Variants in MINDY3 observed in about 807,000 individuals in gnomAD.
The protein encoded by MINDY3 is MINDY lysine 48 deubiquitinase 3.
In MINDY3, 38 loss-of-function variants were observed where a neutral mutation model predicts 69.2. The ratio of observed to expected loss-of-function variants is 0.55; its 90% CI spans 0.42 to 0.72. MINDY3 has a LOEUF of 0.72. MINDY3 is among the 30% of genes least tolerant of loss of function. MINDY3 has a pLI of 0.00. For missense variants in MINDY3, 522 were observed against 519.0 expected (o/e 1.01, Z -0.06); for synonymous variants, 192 against 180.1 (o/e 1.07, Z -0.53).
chr10:15,779,184 A>C (rs1205166731), intron 14 of MINDY3, 43 bp from the exon 15 acceptor site: 2 of 1,571,664 alleles, frequency 1.3e-6, no homozygotes, highest in Non-Finnish European at 1.7e-6. Flanking sequence ...CAACAGTCTT[A>C]GCAAATTCTT....
intron 11 of MINDY3, among the ~76,000 whole-genome samples, chr10:15,794,275 C>T (rs1837642133): frequency 6.6e-6 from 1 of 151,968 alleles, no homozygotes; most frequent in South Asian, 2.1e-4. Flanking sequence ...GCATGATTTG[C>T]TTACATCCTG....
At chr10:15,801,927 T>A (rs1269411367) in intron 10 of MINDY3, among the ~76,000 whole-genome samples, 1 of 151,880 alleles carries the variant, frequency 6.6e-6, no homozygotes, top group Non-Finnish European at 1.5e-5. Context: ...GATGGCTTGA[T>A]AGAGATGAGT....
chr10:15,841,278 A>C (rs1833448886), intron 4 of MINDY3, 148 bp downstream of exon 4: 1 of 634,792 alleles, frequency 1.6e-6, no homozygotes, highest in African/African-American at 1.9e-5. Flanking sequence ...TATGGAAATA[A>C]AAAATAGTGA....
At chr10:15,816,493 G>A (rs887193672) in intron 10 of MINDY3, among the ~76,000 whole-genome samples, 5 of 151,812 alleles carry the variant, frequency 3.3e-5, no homozygotes, top group African/African-American at 1.2e-4. Context: ...TATCATCTAA[G>A]TTAAATAAAT....
intron 10 of MINDY3, among the ~76,000 whole-genome samples, chr10:15,797,667 C>T (rs544507942): frequency 6.6e-6 from 1 of 152,214 alleles, no homozygotes; most frequent in South Asian, 2.1e-4. Context: ...GTTTATTTAA[C>T]CTGAACAGTA....
chr10:15,835,847 C>T (rs1833041216), intron 6 of MINDY3, among the ~76,000 whole-genome samples: 2 of 151,992 alleles, frequency 1.3e-5, no homozygotes, highest in Admixed American at 1.3e-4. Flanking sequence ...GTTTTCCATT[C>T]CATGACCTGT....
At chr10:15,793,925 C>T (rs1363633369) in intron 11 of MINDY3, among the ~76,000 whole-genome samples, 1 of 152,108 alleles carries the variant, frequency 6.6e-6, no homozygotes, top group Non-Finnish European at 1.5e-5. Flanking sequence ...CTTGTTTACA[C>T]TATGGAAGAT....
chr10:15,817,878 A>G (rs1839483404), intron 9 of MINDY3: 1 of 152,160 alleles, frequency 6.6e-6, no homozygotes, highest in Admixed American at 6.6e-5. Flanking sequence ...GAAGTGGAAA[A>G]TAGGTACTCT....
chr10:15,807,846 G>A (rs1332170136), intron 10 of MINDY3, among the ~76,000 whole-genome samples: 1 of 152,190 alleles, frequency 6.6e-6, no homozygotes. Flanking sequence ...TACAAATACA[G>A]CTGCATAAGG....
chr10:15,844,749 T>A (rs949958857), intron 2 of MINDY3, among the ~76,000 whole-genome samples: 1 of 152,158 alleles, frequency 6.6e-6, no homozygotes, highest in Non-Finnish European at 1.5e-5. Flanking sequence ...ACCCACAAAT[T>A]TGTACTATAT....
chr10:15,808,018 C>T (rs998946937), intron 10 of MINDY3, among the ~76,000 whole-genome samples: 3 of 152,090 alleles, frequency 2.0e-5, no homozygotes, highest in Non-Finnish European at 4.4e-5. Flanking sequence ...GGGACAGCCC[C>T]AAATTGTGCT....
At chr10:15,785,625 G>C (rs1409196209) in intron 13 of MINDY3, among the ~76,000 whole-genome samples, 2 of 152,168 alleles carry the variant, frequency 1.3e-5, no homozygotes, top group East Asian at 3.9e-4. Context: ...TTTCATGAAG[G>C]CTTTAAGACC....
chr10:15,835,744 C>T (rs540336052), intron 6 of MINDY3, among the ~76,000 whole-genome samples: 1 of 146,100 alleles, frequency 6.8e-6, no homozygotes, highest in South Asian at 2.2e-4. Context: ...CTACTCCGAA[C>T]ATCTACACAA....
intron 4 of MINDY3, 71 bp from the exon 5 acceptor site, chr10:15,838,350 T>TAA (rs1833230772): frequency 4.4e-6 from 6 of 1,352,610 alleles, no homozygotes; most frequent in Admixed American, 5.2e-5. Flanking sequence ...CAGCAGGCTG[T>TAA]AAATACTTTC....
At chr10:15,828,950 T>C (rs1840275320) in intron 8 of MINDY3, among the ~76,000 whole-genome samples, 1 of 152,220 alleles carries the variant, frequency 6.6e-6, no homozygotes, top group Admixed American at 6.5e-5. Flanking sequence ...GTTTCCTTCT[T>C]CATAACATAT....
At chr10:15,810,217 T>C (rs2131949719) in intron 10 of MINDY3, among the ~76,000 whole-genome samples, 1 of 152,268 alleles carries the variant, frequency 6.6e-6, no homozygotes, top group East Asian at 1.9e-4. Flanking sequence ...ATCATGAACC[T>C]ATACTAGTGC....
chr10:15,856,088 C>CA (rs1050013222), intron 1 of MINDY3, among the ~76,000 whole-genome samples: 1 of 150,810 alleles, frequency 6.6e-6, no homozygotes, highest in African/African-American at 2.5e-5. Flanking sequence ...CCAAAAACAA[C>CA]AAAAAAACTT....
In MINDY3 at chr10:15,802,064, C is replaced by T. The variant is rs1838301590; in HGVS notation, c.883-5892G>A. 2.6e-5 allele frequency among the ~76,000 whole-genome samples: 4 copies of T among 151,214 alleles called. No individual in the cohort carries two copies. In the South Asian group the frequency reaches 8.4e-4, roughly 32 times the overall value. ...GCTTACGAGATTACAGTATATAATACATATAAAATACAAAATATGTGTTAA... is the reference window on the plus strand; with the variant it reads ...GCTTACGAGATTACAGTATATAATATATATAAAATACAAAATATGTGTTAA... On this transcript the variant is annotated intron_variant, in intron 10 of 14. Coordinates refer to ENST00000277632, the MANE Select transcript of MINDY3 (RefSeq NM_024948.4).
chr10:15,842,813 T>C (rs1330289032), intron 3 of MINDY3, among the ~76,000 whole-genome samples: 2 of 151,620 alleles, frequency 1.3e-5, no homozygotes, highest in African/African-American at 4.8e-5. Context: ...CCAAAATTAT[T>C]TGCAGTATTT....
Sources: allele counts gnomAD v4.1 joint callset (sites outside exome capture counted in the v4.1 genomes callset), GRCh38; gene constraint gnomAD v4.1.1; transcripts MANE v1.5; gene names NCBI Gene and HGNC (gene_info 2026-07-23, HGNC 2026-07-21).